ZDBF2: variants seen among roughly 807,000 people sequenced by gnomAD.
ZDBF2 encodes the protein zinc finger DBF-type containing 2, also known as DBF4-type zinc finger-containing protein 2.
Under a neutral mutation model 9.4 loss-of-function variants are expected in ZDBF2, and 6 were observed. That is an observed-to-expected ratio of 0.64 (90% confidence interval 0.35 to 1.27). The LOEUF (loss-of-function observed/expected upper bound fraction) is 1.27. ZDBF2 is among the 50% of genes most tolerant of loss of function. The probability of loss-of-function intolerance (pLI) is 0.03; values close to 1 mark genes in which losing one functional copy is unlikely to be tolerated. For synonymous variants in ZDBF2, 905 were observed against 946.3 expected (o/e 0.96, Z 0.80); for missense variants, 2,697 against 2,766.8 (o/e 0.97, Z 0.57).
chr2:206,310,511 T>C lies in ZDBF2; in HGVS notation c.5983T>C (p.Ser1995Pro). Reference sequence around the variant, plus strand: ...AATTGGGACAGTTGAATTTCCTGCATCATGTACTAAAGTTTTGAAGCCTAT... The same window carrying C: ...AATTGGGACAGTTGAATTTCCTGCACCATGTACTAAAGTTTTGAAGCCTAT... ...VKIGTVEFPASCTKVLKPMQP... is the reference protein window; with the variant it reads ...VKIGTVEFPAPCTKVLKPMQP... The change falls in exon 5 of 5, where the codon TCA becomes CCA. Residue 1995 changes from serine to proline, a missense_variant. Transcript: ENST00000374423. 2.5e-6 allele frequency: 4 copies of C among 1,613,414 alleles called. No individual in the cohort carries two copies. The highest frequency in any genetic ancestry group is 3.4e-6 in the Non-Finnish European group (4 of 1,179,784).
Position 206,311,237 on chromosome 2 carries a change from A to G in ZDBF2, c.6709A>G (p.Arg2237Gly). ...ISKYSVFLRH[R>G]YQSRSAFLGR... The stretch of plus-strand genomic sequence containing the variant: ...GAAATACTCTGTCTTTTTACGTCAT[A>G]GATATCAGTCCAGGAGCGCTTTTCT... The change falls in exon 5 of 5, where the codon AGA becomes GGA. Residue 2237 changes from arginine to glycine, a missense_variant. Transcript: ENST00000374423. 4 of 1,611,708 alleles carry G rather than the reference A, an allele frequency of 2.5e-6. No individual in the cohort carries two copies. Among genetic ancestry groups the G allele is most frequent in the Non-Finnish European group, 3.4e-6 (4 of 1,178,834 alleles).
At chr2:206,285,948 C>G (rs1408659125) in intron 3 of ZDBF2, among the ~76,000 whole-genome samples, 2 of 152,168 alleles carry the variant, frequency 1.3e-5, no homozygotes, top group Non-Finnish European at 2.9e-5. Context: ...TGTCAAAAAT[C>G]AGTTGGCTGC....
chr2:206,300,539 T>A (rs1692447901), intron 4 of ZDBF2, among the ~76,000 whole-genome samples: 1 of 152,190 alleles, frequency 6.6e-6, no homozygotes, highest in Non-Finnish European at 1.5e-5. Flanking sequence ...GTGTGTAGCA[T>A]CAGGAGACAC....
rs1490176298 is a variant in ZDBF2 at position 206,274,745 on chromosome 2, G to A, written c.-304G>A. The A allele has an allele frequency of 1.3e-5, 2 of 152,246 alleles. No homozygotes were observed. The highest frequency in any genetic ancestry group is 2.9e-5 in the Non-Finnish European group (2 of 68,052). 9.4% of individuals were successfully genotyped at this position (152,246 alleles called of 1,614,324 possible). On this transcript the variant is annotated 5_prime_UTR_variant, in exon 1 of 5. Transcript: ENST00000374423. Reference sequence around the variant, plus strand: ...GCGACTCGGGGCCCGCGTCCTGAGAGACGCGCTCCCGCGCCGCTTCTCGCC... The same window carrying A: ...GCGACTCGGGGCCCGCGTCCTGAGAAACGCGCTCCCGCGCCGCTTCTCGCC...
At chr2:206,286,570 A>T (rs533008591) in intron 3 of ZDBF2, among the ~76,000 whole-genome samples, 4 of 152,090 alleles carry the variant, frequency 2.6e-5, no homozygotes, top group African/African-American at 7.2e-5. Context: ...CTTAAAAAAA[A>T]AAAAATAAAA....
At chr2:206,296,025 T>C (rs567588279) in intron 3 of ZDBF2, among the ~76,000 whole-genome samples, 2 of 152,312 alleles carry the variant, frequency 1.3e-5, no homozygotes, top group Admixed American at 1.3e-4. Context: ...CTGTTCTCTC[T>C]CTTAACAGAT....
At chr2:206,301,531 C>A (rs1363626025) in intron 4 of ZDBF2, among the ~76,000 whole-genome samples, 1 of 151,736 alleles carries the variant, frequency 6.6e-6, no homozygotes, top group Admixed American at 6.6e-5. Flanking sequence ...AACCCGAGTT[C>A]TTGTATTTGT....
chr2:206,279,077 T>C (rs964203756), intron 1 of ZDBF2, among the ~76,000 whole-genome samples: 20 of 152,204 alleles, frequency 1.3e-4, no homozygotes, highest in South Asian at 2.1e-4. Flanking sequence ...CCTACAACAA[T>C]GCGGAGGAAT....
chr2:206,304,859 T>G lies in ZDBF2; in HGVS notation c.331T>G (p.Ser111Ala), dbSNP rs374045254. The G allele has an allele frequency of 1.2e-6, 2 of 1,613,654 alleles. No individual in the cohort carries two copies. The highest frequency in any genetic ancestry group is 2.7e-5 in the African/African-American group (2 of 74,894). Residue 111 changes from serine to alanine, a missense_variant, in exon 5 of 5, where the codon TCA becomes GCA. Ser to Ala is a moderately conservative substitution (Grantham distance 99, BLOSUM62 1). Coordinates refer to ENST00000374423, the MANE Select transcript of ZDBF2 (RefSeq NM_020923.3). ...DATEERPSEV[S>A]EPIEELHSRP... ...TACCGAAGAGAGACCATCCGAGGTT[T>G]CAGAACCTATTGAAGAGTTACATTC...
rs370686623 is a variant in ZDBF2, at chr2:206,308,351, A to G, written c.3823A>G (p.Asn1275Asp). The change falls in exon 5 of 5, where the codon AAT becomes GAT. Residue 1275 changes from asparagine (N) to aspartate (D), a missense_variant. This residue lies in a region of ZDBF2 where 1,783 missense variants were observed against 1,776.5 expected (regional missense o/e 1.00). Transcript: ENST00000374423. ...TTGGAAAGAGCATGTTGACTTGGAAAATAAGATTGTCAAACCTACAGATTC... is the reference window on the plus strand; with the variant it reads ...TTGGAAAGAGCATGTTGACTTGGAAGATAAGATTGTCAAACCTACAGATTC... The part of the protein sequence containing the change: ...SLWKEHVDLE[N>D]KIVKPTDSRI... 2.2e-5 allele frequency: 36 copies of G among 1,612,896 alleles called. No homozygotes were observed. The African/African-American group carries it at 3.9e-4, about 17-fold the overall frequency.
chr2:206,282,397 G>C (rs1691368998), intron 3 of ZDBF2, among the ~76,000 whole-genome samples: 1 of 152,158 alleles, frequency 6.6e-6, no homozygotes, highest in South Asian at 2.1e-4. Context: ...AGGTGGGTGA[G>C]AAGTAATAGG....
chr2:206,280,057 G>T (rs975542101), intron 2 of ZDBF2, among the ~76,000 whole-genome samples: 5 of 152,120 alleles, frequency 3.3e-5, no homozygotes, highest in East Asian at 1.9e-4. Context: ...CACCTGCCTC[G>T]GCCTCCCAAA....
Position 206,307,867 on chromosome 2 carries a change from T to G in ZDBF2, c.3339T>G (p.Thr1113=), listed in dbSNP as rs1183405260. ...GLKNKINEPS[T]YKLIHHPDVS... ...AAAATAAGATTAATGAACCTAGTACTTATAAATTAATACATCATCCTGATG... is the reference window on the plus strand; with the variant it reads ...AAAATAAGATTAATGAACCTAGTACGTATAAATTAATACATCATCCTGATG... Residue 1113 remains threonine, a synonymous_variant, in exon 5 of 5, where the codon ACT becomes ACG. Coordinates refer to ENST00000374423, the MANE Select transcript of ZDBF2 (RefSeq NM_020923.3). 6.2e-7 allele frequency: 1 copy of G among 1,613,562 alleles called. No individual in the cohort carries two copies. The highest frequency in any genetic ancestry group is 1.7e-5 in the Admixed American group (1 of 59,926).
At position 206,304,998 on chromosome 2, in the gene ZDBF2, C is replaced by T. The variant is rs767107792; in HGVS notation, c.470C>T (p.Ala157Val). Residue 157 changes from alanine to valine, a missense_variant, in exon 5 of 5, where the codon GCC becomes GTC. Transcript: ENST00000374423. ...TTGGAGTTTGTTCATAAAATTGGGG[C>T]CAGTGTGAGAAAATGTAACCTAGTA... ...QPLEFVHKIG[A>V]SVRKCNLVDI... The T allele has an allele frequency of 6.2e-7, 1 of 1,613,474 alleles. No individual in the cohort carries two copies. Among genetic ancestry groups the T allele is most frequent in the Admixed American group, 1.7e-5 (1 of 59,888 alleles).
chr2:206,278,082 G>A (rs1361358388), intron 1 of ZDBF2, among the ~76,000 whole-genome samples: 1 of 152,148 alleles, frequency 6.6e-6, no homozygotes, highest in East Asian at 1.9e-4. Flanking sequence ...AGAATAGAAT[G>A]TACTGTACCT....
chr2:206,307,250 G>C lies in ZDBF2; in HGVS notation c.2722G>C (p.Glu908Gln), dbSNP rs866181088. The change falls in exon 5 of 5, where the codon GAA (glutamate) becomes CAA (glutamine). Residue 908 changes from glutamate (E) to glutamine (Q), a missense_variant. Physicochemically the swap from Glu to Gln is conservative, Grantham distance 29. This residue lies in a region of ZDBF2 where 1,783 missense variants were observed against 1,776.5 expected (regional missense o/e 1.00). Transcript: ENST00000374423. ...AGAGCAGGTACACTTAGAAAATAAG[G>C]AAAATGAACCTATTGATTCTGAAGT... ...KEEQVHLENK[E>Q]NEPIDSEVSL... 1 of 1,606,516 alleles carries C rather than the reference G, an allele frequency of 6.2e-7. No individual in the cohort carries two copies. Among genetic ancestry groups the C allele is most frequent in the African/African-American group, 1.3e-5 (1 of 74,284 alleles).
In ZDBF2 at chr2:206,308,316, A is replaced by T. The variant is rs1692933729; in HGVS notation, c.3788A>T (p.Glu1263Val). Residue 1263 changes from glutamate to valine, a missense_variant, in exon 5 of 5, where the codon GAG becomes GTG. Physicochemically the swap from Glu to Val is moderately radical, Grantham distance 121. Around this residue, in one of 3 missense-constraint regions of ZDBF2, gnomAD observed 1,783 missense variants for 1,776.5 expected, o/e 1.00. Coordinates refer to ENST00000374423, the MANE Select transcript of ZDBF2 (RefSeq NM_020923.3). ...VAGQPEEVVK[E>V]VSLWKEHVDL... ...GGCCAACCTGAAGAAGTAGTTAAGG[A>T]GGTCAGTCTTTGGAAAGAGCATGTT... 6.2e-7 allele frequency: 1 copy of T among 1,613,668 alleles called. No individual in the cohort carries two copies. The highest frequency in any genetic ancestry group is 8.5e-7 in the Non-Finnish European group (1 of 1,179,836).
Position 206,310,401 on chromosome 2 carries a change from G to T in ZDBF2, c.5873G>T (p.Arg1958Ile), listed in dbSNP as rs748262618. Residue 1958 changes from arginine (R) to isoleucine (I), a missense_variant, in exon 5 of 5, where the codon AGA becomes ATA. By Grantham distance (97) the Arg-to-Ile change is moderately conservative. Coordinates refer to ENST00000374423, the MANE Select transcript of ZDBF2 (RefSeq NM_020923.3). ...TGTAAGAATTACCCAGTGATGAAAA[G>T]AAAAATAATTAGACAAGAGGAAGAC... is the stretch of plus-strand genomic sequence containing the variant. ...TSCKNYPVMKRKIIRQEEDPP... is the reference protein window; with the variant it reads ...TSCKNYPVMKIKIIRQEEDPP... 6.2e-7 allele frequency: 1 copy of T among 1,613,890 alleles called. No individual in the cohort carries two copies.
At chr2:206,289,726 A>T (rs903216034) in intron 3 of ZDBF2, among the ~76,000 whole-genome samples, 4 of 152,114 alleles carry the variant, frequency 2.6e-5, no homozygotes, top group African/African-American at 7.2e-5. Flanking sequence ...AGTGGTGTTG[A>T]CCCCAGACGG....
Sources: allele counts gnomAD v4.1 joint callset (sites outside exome capture counted in the v4.1 genomes callset), GRCh38; gene constraint gnomAD v4.1.1; regional missense constraint gnomAD v4.1.1; transcripts MANE v1.5; gene names NCBI Gene and HGNC (gene_info 2026-07-23, HGNC 2026-07-21).